Variants in CIB3 observed in about 807,000 individuals in gnomAD.
CIB3 encodes the protein calcium and integrin-binding family member 3.
A neutral mutation model predicts 23.4 loss-of-function variants in CIB3; 22 were observed. That is an observed-to-expected ratio of 0.94 (90% CI 0.67 to 1.34). The LOEUF is 1.34. Among genes scored for constraint, CIB3 ranks in the 40% most tolerant of loss-of-function variants. CIB3 has a pLI of 0.00. For missense variants in CIB3, 258 were observed against 247.3 expected (o/e 1.04, Z -0.29); for synonymous variants, 93 against 95.8 (o/e 0.97, Z 0.17).
chr19:16,166,554 AC>A (rs1568337301), intron 4 of CIB3, among the ~76,000 whole-genome samples: 1 of 152,140 alleles, frequency 6.6e-6, no homozygotes, highest in African/African-American at 2.4e-5. Context: ...CACTGTAATA[AC>A]TTTTTCATTT....
chr19:16,166,015 G>C (rs1025411972), intron 4 of CIB3, among the ~76,000 whole-genome samples: 1 of 152,098 alleles, frequency 6.6e-6, no homozygotes, highest in African/African-American at 2.4e-5. Flanking sequence ...TTATGGGCCC[G>C]GCGCAGTGGC....
At chr19:16,166,208 T>G (rs529543096) in intron 4 of CIB3, among the ~76,000 whole-genome samples, 2 of 152,136 alleles carry the variant, frequency 1.3e-5, no homozygotes, top group Non-Finnish European at 2.9e-5. Flanking sequence ...GGAGAATCGC[T>G]TGAACCCAGG....
intron 3 of CIB3, among the ~76,000 whole-genome samples, chr19:16,169,278 G>A (rs147347849): frequency 0.013 from 2,054 of 152,166 alleles, 62 homozygotes; most frequent in African/African-American, 0.046. Flanking sequence ...CTAGTAGCTG[G>A]GATTACAGGT....
chr19:16,169,960 C>T (rs544857151), intron 2 of CIB3, among the ~76,000 whole-genome samples: 9 of 152,260 alleles, frequency 5.9e-5, no homozygotes, highest in Non-Finnish European at 1.2e-4. Context: ...CTGCCACGCC[C>T]GGCTAATTCT....
chr19:16,165,446 CT>C (rs71178646), intron 4 of CIB3, among the ~76,000 whole-genome samples: 112,818 of 149,862 alleles, frequency 0.75, 42,809 homozygotes, highest in East Asian at 0.95. Flanking sequence ...TTCATTCGTT[CT>C]TTTTTTTTTT....
At chr19:16,172,009 C>T (rs1034045423) in intron 2 of CIB3, among the ~76,000 whole-genome samples, 1 of 152,228 alleles carries the variant, frequency 6.6e-6, no homozygotes, top group Admixed American at 6.5e-5. Context: ...CTGTGCCCAT[C>T]GTGCTGGGTC....
In CIB3 at chr19:16,173,414, C is replaced by T. The variant is rs1456631355; in HGVS notation, c.51+11G>A. 2 of 1,612,102 alleles carry T rather than the reference C, an allele frequency of 1.2e-6. No homozygotes were observed. Among genetic ancestry groups the T allele is most frequent in the Non-Finnish European group, 1.7e-6 (2 of 1,178,308 alleles). On this transcript the variant is annotated intron_variant, in intron 1 of 5. Transcript: ENST00000269878. ...TCAAACCCACTGAGGACCCATCCTG[C>T]CCCCCTCTACCTGATACGCTTCCAG...
chr19:16,167,785 T>C (rs2091311845), intron 4 of CIB3, among the ~76,000 whole-genome samples: 1 of 152,048 alleles, frequency 6.6e-6, no homozygotes, highest in Non-Finnish European at 1.5e-5. Context: ...TAAGCCAAGA[T>C]TGAGCCACTG....
intron 3 of CIB3, among the ~76,000 whole-genome samples, chr19:16,168,529 G>C (rs1373947005): frequency 6.6e-6 from 1 of 152,246 alleles, no homozygotes; most frequent in African/African-American, 2.4e-5. Context: ...GCCAATCAGA[G>C]AGTTCCATTC....
At chr19:16,166,298 AAAAT>A (rs909513494) in intron 4 of CIB3, among the ~76,000 whole-genome samples, 2 of 152,208 alleles carry the variant, frequency 1.3e-5, no homozygotes, top group East Asian at 3.8e-4. Context: ...TCTCAGTAAA[AAAAT>A]AAATAAATAA....
intron 3 of CIB3, among the ~76,000 whole-genome samples, chr19:16,168,842 G>A (rs924368625): frequency 6.6e-6 from 1 of 151,980 alleles, no homozygotes; most frequent in Non-Finnish European, 1.5e-5. Flanking sequence ...GGATTTTTTT[G>A]TTGTTGTTCA....
rs1473652491 is a variant in CIB3 at position 16,168,294 on chromosome 19, G to A, written c.199-10C>T. 1 of 1,613,500 alleles carries A rather than the reference G, an allele frequency of 6.2e-7. No individual in the cohort carries two copies. On this transcript the variant is annotated splice_polypyrimidine_tract_variant and intron_variant, in intron 3 of 5. Transcript: ENST00000269878. ...GGCGGAAGGGGTTGTCCTGGGGACA[G>A]AAAGGAAGCTGGGAGGCCATCCTCT...
chr19:16,173,286 G>A, intron 1 of CIB3, 90 bp from the exon 2 acceptor site: 7 of 1,589,024 alleles, frequency 4.4e-6, no homozygotes, highest in Non-Finnish European at 5.2e-6. Context: ...CACACAGATG[G>A]CCTGATGCTG....
intron 4 of CIB3, among the ~76,000 whole-genome samples, chr19:16,166,696 TTTCATTCA>T (rs929558285): frequency 6.6e-6 from 1 of 152,206 alleles, no homozygotes; most frequent in African/African-American, 2.4e-5. Context: ...CTGATAACTT[TTTCATTCA>T]TTCATTCATG....
Position 16,164,743 on chromosome 19 carries a change from T to A in CIB3, c.517A>T (p.Ile173Phe), listed in dbSNP as rs757202987. Residue 173 changes from isoleucine to phenylalanine, a missense_variant, in exon 5 of 6, where the codon ATC becomes TTC. By Grantham distance (21) the Ile-to-Phe change is conservative. Coordinates refer to ENST00000269878, the MANE Select transcript of CIB3 (RefSeq NM_054113.4). ...CTGAGGAAGTCTGGTGCCCGGAGGATCATGTTCTGGAAATCTTCCAGGGAC... is the reference window on the plus strand; with the variant it reads ...CTGAGGAAGTCTGGTGCCCGGAGGAACATGTTCTGGAAATCTTCCAGGGAC... ...RLSLEDFQNM[I>F]LRAPDFLSTF... 6.2e-7 allele frequency: 1 copy of A among 1,613,676 alleles called. No individual in the cohort carries two copies. Among genetic ancestry groups the A allele is most frequent in the Admixed American group, 1.7e-5 (1 of 59,924 alleles).
At chr19:16,170,964 C>T (rs1324079584) in intron 2 of CIB3, among the ~76,000 whole-genome samples, 1 of 151,932 alleles carries the variant, frequency 6.6e-6, no homozygotes, top group African/African-American at 2.4e-5. Flanking sequence ...TGGTGAAACC[C>T]CGTCTCCACT....
rs1351182611 is a variant in CIB3 at position 16,164,933 on chromosome 19, GGGA to G, written c.347-23_347-21del. On this transcript the variant is annotated intron_variant, in intron 4 of 5. Coordinates refer to ENST00000269878, the MANE Select transcript of CIB3 (RefSeq NM_054113.4). ...TAAAATCTGCAGAGCAGGATGGATG[GGGA>G]GTGACAGCAGGTGGCAGGAGGGCTA... 3 of 1,609,442 alleles carry G rather than the reference GGGA, an allele frequency of 1.9e-6. No individual in the cohort carries two copies. The highest frequency in any genetic ancestry group is 2.6e-6 in the Non-Finnish European group (3 of 1,175,956).
chr19:16,169,751 G>T lies in CIB3; in HGVS notation c.87-10C>A. On this transcript the variant is annotated splice_polypyrimidine_tract_variant and intron_variant, in intron 2 of 5. Coordinates refer to ENST00000269878, the MANE Select transcript of CIB3 (RefSeq NM_054113.4). ...GTAGCGATAGAAGAGCCTGATGTGG[G>T]GAGGAAAAAGCTGGGAAAGACTGGG... 1 of 1,589,676 alleles carries T rather than the reference G, an allele frequency of 6.3e-7. No individual in the cohort carries two copies. The highest frequency in any genetic ancestry group is 1.1e-5 in the South Asian group (1 of 88,282).
At chr19:16,167,764 G>A (rs1047432247) in intron 4 of CIB3, among the ~76,000 whole-genome samples, 9 of 152,074 alleles carry the variant, frequency 5.9e-5, no homozygotes, top group Non-Finnish European at 1.2e-4. Flanking sequence ...CCTGGGAGGC[G>A]GAGACTGCAG....
Sources: allele counts gnomAD v4.1 joint callset (sites outside exome capture counted in the v4.1 genomes callset), GRCh38; gene constraint gnomAD v4.1.1; transcripts MANE v1.5; gene names NCBI Gene and HGNC (gene_info 2026-07-23, HGNC 2026-07-21).